Variants in TBC1D30 observed in about 807,000 individuals in gnomAD.
TBC1D30 encodes the protein TBC1 domain family, member 30.
In TBC1D30, 31 loss-of-function variants were observed where a neutral mutation model predicts 63.2. That is an observed-to-expected ratio of 0.49 (90% CI 0.37 to 0.66). The LOEUF (loss-of-function observed/expected upper bound fraction) is 0.66. Among genes scored for constraint, TBC1D30 ranks in the 30% least tolerant of loss-of-function variants. The pLI is 0.00. For missense variants in TBC1D30, 810 were observed against 953.6 expected (o/e 0.85, Z 1.98); for synonymous variants, 307 against 361.5 (o/e 0.85, Z 1.71).
At chr12:64,844,116 CACTT>C (rs1158970548) in intron 8 of TBC1D30, among the ~76,000 whole-genome samples, 3 of 152,206 alleles carry the variant, frequency 2.0e-5, no homozygotes, top group Admixed American at 6.5e-5. Context: ...TGGGGGGAAA[CACTT>C]ATTGTGGGGA....
chr12:64,860,898 A>C (rs1313726666), intron 8 of TBC1D30, among the ~76,000 whole-genome samples: 1 of 152,234 alleles, frequency 6.6e-6, no homozygotes, highest in African/African-American at 2.4e-5. Flanking sequence ...CCACCTATTC[A>C]AAAGATGTCT....
intron 1 of TBC1D30, among the ~76,000 whole-genome samples, chr12:64,761,771 A>G (rs1011064380): frequency 2.0e-5 from 3 of 152,228 alleles, no homozygotes; most frequent in Non-Finnish European, 4.4e-5. Context: ...CCTATGGAGT[A>G]GCCATTCTTT....
chr12:64,843,613 A>T (rs7955694), intron 8 of TBC1D30, 128 bp downstream of exon 8: 9,205 of 644,030 alleles, frequency 0.014, 587 homozygotes, highest in African/African-American at 0.14. Flanking sequence ...AAATTGACCA[A>T]GAGTCTGTTT....
At chr12:64,842,012 T>C (rs1261840942) in intron 7 of TBC1D30, among the ~76,000 whole-genome samples, 2 of 151,752 alleles carry the variant, frequency 1.3e-5, no homozygotes, top group South Asian at 2.1e-4. Flanking sequence ...GGTCTTCTGG[T>C]TGGTGGGAAA....
intron 2 of TBC1D30, among the ~76,000 whole-genome samples, chr12:64,791,894 G>C (rs1871948146): frequency 6.6e-6 from 1 of 151,900 alleles, no homozygotes; most frequent in African/African-American, 2.4e-5. Flanking sequence ...CTGTAGGAAG[G>C]TTTTAAATTA....
chr12:64,793,489 C>CGAA (rs1302014466), intron 2 of TBC1D30, among the ~76,000 whole-genome samples: 2 of 115,490 alleles, frequency 1.7e-5, no homozygotes, highest in Admixed American at 8.9e-5. Flanking sequence ...ACCAAAAATA[C>CGAA]AAAAAAAAAA....
At chr12:64,787,815 C>T (rs989164471) in intron 2 of TBC1D30, among the ~76,000 whole-genome samples, 1 of 152,172 alleles carries the variant, frequency 6.6e-6, no homozygotes, top group African/African-American at 2.4e-5. Context: ...GTGGGCAGAT[C>T]ACCTGAGGTT....
intron 2 of TBC1D30, among the ~76,000 whole-genome samples, chr12:64,798,209 C>T (rs1166743196): frequency 1.3e-5 from 2 of 152,134 alleles, no homozygotes; most frequent in African/African-American, 4.8e-5. Context: ...TATACAGTAT[C>T]CTCAGTGAGC....
intron 2 of TBC1D30, among the ~76,000 whole-genome samples, chr12:64,788,192 G>T (rs991672823): frequency 2.8e-5 from 4 of 145,052 alleles, no homozygotes; most frequent in African/African-American, 1.0e-4. Context: ...GGTGTGTAGG[G>T]GTGTGTGTGT....
intron 2 of TBC1D30, among the ~76,000 whole-genome samples, chr12:64,813,492 A>C (rs1397463805): frequency 6.6e-6 from 1 of 152,160 alleles, no homozygotes; most frequent in Non-Finnish European, 1.5e-5. Flanking sequence ...AACTTACCCA[A>C]GTTTACATAG....
intron 1 of TBC1D30, chr12:64,768,569 T>A (rs921776161): frequency 2.6e-5 from 4 of 152,186 alleles, no homozygotes; most frequent in African/African-American, 7.2e-5. Context: ...ACACCTGGCC[T>A]CAAGTGATTC....
chr12:64,779,459 G>A (rs1336789675), upstream of TBC1D30: 3 of 151,940 alleles, frequency 2.0e-5, no homozygotes, highest in South Asian at 2.1e-4. Flanking sequence ...ATACCTAAGC[G>A]AAAAGTACAA....
At chr12:64,792,972 G>T (rs534280295) in intron 2 of TBC1D30, among the ~76,000 whole-genome samples, 1 of 152,224 alleles carries the variant, frequency 6.6e-6, no homozygotes, top group South Asian at 2.1e-4. Flanking sequence ...TCCCCTCCAT[G>T]CCCACAGAAG....
At chr12:64,802,146 GCT>G (rs1389961531) in intron 2 of TBC1D30, among the ~76,000 whole-genome samples, 22 of 152,154 alleles carry the variant, frequency 1.4e-4, no homozygotes, top group Admixed American at 1.4e-3. Flanking sequence ...GCCCATTACA[GCT>G]CTTTTTTGGT....
intron 2 of TBC1D30, among the ~76,000 whole-genome samples, chr12:64,798,712 CCTCTT>C (rs1230467985): frequency 6.6e-6 from 1 of 151,796 alleles, no homozygotes; most frequent in African/African-American, 2.4e-5. Flanking sequence ...GTATGCAGAT[CCTCTT>C]CTCTTCTTGG....
At chr12:64,763,190 A>C (rs1870581342) in intron 1 of TBC1D30, among the ~76,000 whole-genome samples, 1 of 152,168 alleles carries the variant, frequency 6.6e-6, no homozygotes, top group Non-Finnish European at 1.5e-5. Context: ...TCCTGACTTC[A>C]GGTGATCTAC....
intron 2 of TBC1D30, among the ~76,000 whole-genome samples, chr12:64,795,040 G>A (rs966588753): frequency 1.3e-5 from 2 of 152,206 alleles, no homozygotes; most frequent in African/African-American, 4.8e-5. Flanking sequence ...TTCCTTAGAT[G>A]TCTGGTATTC....
In TBC1D30 at chr12:64,876,588, T is replaced by G. The variant is rs1179319134; in HGVS notation, c.*800T>G. ...TTTGATCCTCAGTGGTACGGATGAC[T>G]TGATGGGCTCCATGCGGAGCCTGGC... On this transcript the variant is annotated 3_prime_UTR_variant, in exon 12 of 12. Coordinates refer to ENST00000539867, the MANE Select transcript of TBC1D30 (RefSeq NM_015279.2). 1 of 348,932 alleles carries G rather than the reference T, an allele frequency of 2.9e-6. No homozygotes were observed. 21.6% of individuals were successfully genotyped at this position (348,932 alleles called of 1,614,324 possible).
chr12:64,820,524 C>A (rs891040423), upstream of TBC1D30, among the ~76,000 whole-genome samples: 1 of 152,152 alleles, frequency 6.6e-6, no homozygotes, highest in Non-Finnish European at 1.5e-5. Context: ...GTTCATTAAG[C>A]CTTCCTTCCC....
Sources: gnomAD v4.1 joint callset for allele counts (sites outside exome capture counted in the v4.1 genomes callset) on GRCh38, gnomAD v4.1.1 for gene constraint, MANE v1.5 for transcripts, NCBI Gene and HGNC (gene_info 2026-07-23, HGNC 2026-07-21) for gene names.